The following RGS10 variants were observed in gnomAD, a reference collection of about 807,000 sequenced individuals.
RGS10 encodes regulator of G protein signaling 10, also known as regulator of G-protein signalling 10.
RGS10 carries 11 observed loss-of-function variants against 23.5 expected under a neutral mutation model. The observed-to-expected ratio is 0.47, with a 90% CI of 0.29 to 0.77. RGS10 has a LOEUF of 0.77. Ranked by LOEUF, RGS10 falls within the 30% of genes least tolerant of loss-of-function variation. The pLI is 0.08. For missense variants in RGS10, 180 were observed against 226.3 expected (o/e 0.80, Z 1.31); for synonymous variants, 77 against 83.2 (o/e 0.92, Z 0.41).
At chr10:119,535,577 C>T (rs1272059062) in intron 1 of RGS10, among the ~76,000 whole-genome samples, 1 of 152,232 alleles carries the variant, frequency 6.6e-6, no homozygotes, top group Non-Finnish European at 1.5e-5. Context: ...GAGATGAATG[C>T]TCACAGCATG....
intron 4 of RGS10, among the ~76,000 whole-genome samples, chr10:119,509,019 C>T (rs981152278): frequency 3.3e-5 from 5 of 152,090 alleles, no homozygotes; most frequent in Admixed American, 6.6e-5. Flanking sequence ...GAGGATGGAT[C>T]GAGCCTGGGA....
intron 4 of RGS10, among the ~76,000 whole-genome samples, chr10:119,508,220 G>A (rs1304438713): frequency 1.3e-5 from 2 of 152,004 alleles, no homozygotes; most frequent in Non-Finnish European, 2.9e-5. Flanking sequence ...GGCTAGTCTC[G>A]AACTCCTGAA....
At position 119,527,190 on chromosome 10, in the gene RGS10, T is replaced by C. The variant is rs1844284812; in HGVS notation, c.168+116A>G. The stretch of plus-strand genomic sequence containing the variant: ...GATAGACAGTACTGAACTCTCAAGC[T>C]GGCATAGAGAGTGCTACGCTGACAG... On this transcript the variant is annotated intron_variant, in intron 2 of 4. Coordinates refer to ENST00000369103, the MANE Select transcript of RGS10 (RefSeq NM_001005339.2). The surrounding 1 kb of genome is among the most constrained non-coding windows in gnomAD (Gnocchi z 4.2). 1.5e-6 allele frequency: 1 copy of C among 683,264 alleles called. No homozygotes were observed. The highest frequency in any genetic ancestry group is 2.7e-5 in the East Asian group (1 of 36,688). The allele number at this position is 683,264 out of a possible 1,614,324, so 42.3% of individuals were successfully genotyped here. A position where few individuals can be genotyped will look rare whatever the true frequency, so the allele number is the denominator to read the frequency against.
chr10:119,523,413 C>T (rs141996209), intron 3 of RGS10, among the ~76,000 whole-genome samples: 262 of 152,256 alleles, frequency 1.7e-3, no homozygotes, highest in African/African-American at 5.9e-3. Context: ...ACCTGTAATC[C>T]CAGCACTTTG....
chr10:119,503,803 ACCT>A (rs1252407532), intron 4 of RGS10, among the ~76,000 whole-genome samples: 4 of 151,898 alleles, frequency 2.6e-5, no homozygotes, highest in Non-Finnish European at 5.9e-5. Context: ...GTGTGTCCTT[ACCT>A]CCTCTTCTCA....
intron 3 of RGS10, 55 bp from the exon 4 acceptor site, chr10:119,515,707 G>A: frequency 6.2e-7 from 1 of 1,603,026 alleles, no homozygotes. Context: ...TTCCCGGCCT[G>A]AGCCCTGCTC....
At chr10:119,503,991 G>A (rs753842873) in intron 4 of RGS10, among the ~76,000 whole-genome samples, 31 of 152,198 alleles carry the variant, frequency 2.0e-4, no homozygotes, top group African/African-American at 6.3e-4. Context: ...AGAGAAGGGC[G>A]GAAGGCCAGC....
At position 119,500,243 on chromosome 10, in the gene RGS10, T is replaced by C. The variant is rs759529682; in HGVS notation, c.416A>G (p.Lys139Arg). The change falls in exon 5 of 5, where the codon AAG (lysine) becomes AGG (arginine). Residue 139 changes from lysine to arginine, a missense_variant. Transcript: ENST00000369103. ...KLQDQIFNLMKYDSYSRFLKS... is the reference protein window; with the variant it reads ...KLQDQIFNLMRYDSYSRFLKS... The stretch of plus-strand genomic sequence containing the variant: ...TAAGAAGCGGCTGTAGCTGTCGTAC[T>C]TCATGAGATTAAAGATCTAAGGAGG... 14 of 1,611,926 alleles carry C rather than the reference T, an allele frequency of 8.7e-6. No homozygotes were observed. The highest frequency in any genetic ancestry group is 2.7e-5 in the African/African-American group (2 of 74,734).
intron 3 of RGS10, among the ~76,000 whole-genome samples, chr10:119,523,838 C>T (rs1178812069): frequency 2.0e-5 from 3 of 152,144 alleles, no homozygotes; most frequent in Non-Finnish European, 4.4e-5. Context: ...CTCCTTCCAA[C>T]CACTCCATTA....
At chr10:119,515,701 C>T (rs370886559) in intron 3 of RGS10, 49 bp from the exon 4 acceptor site, 178 of 1,605,788 alleles carry the variant, frequency 1.1e-4, no homozygotes, top group East Asian at 1.3e-4. Flanking sequence ...ACAGCCTTCC[C>T]GGCCTGAGCC....
intron 3 of RGS10, among the ~76,000 whole-genome samples, chr10:119,519,083 C>T (rs1844179515): frequency 6.6e-6 from 1 of 152,176 alleles, no homozygotes; most frequent in Admixed American, 6.5e-5. Flanking sequence ...ATTCCTCACG[C>T]TACACACAGG....
At chr10:119,520,143 C>T (rs1018856305) in intron 3 of RGS10, among the ~76,000 whole-genome samples, 1 of 152,194 alleles carries the variant, frequency 6.6e-6, no homozygotes. Context: ...GAGACAATTC[C>T]TAGGACAATG....
intron 1 of RGS10, among the ~76,000 whole-genome samples, chr10:119,537,547 G>C (rs1378963636): frequency 6.6e-6 from 1 of 152,202 alleles, no homozygotes; most frequent in African/African-American, 2.4e-5. Flanking sequence ...AAAGAAGCAA[G>C]CAAGGAAGTG....
intron 4 of RGS10, among the ~76,000 whole-genome samples, chr10:119,508,952 T>G (rs569418535): frequency 6.6e-6 from 1 of 151,242 alleles, no homozygotes; most frequent in Non-Finnish European, 1.5e-5. Context: ...ATTTTAAAAA[T>G]TAGCCAAGTG....
intron 3 of RGS10, among the ~76,000 whole-genome samples, chr10:119,518,903 A>G (rs1183937129): frequency 2.0e-5 from 3 of 152,070 alleles, no homozygotes; most frequent in African/African-American, 7.2e-5. Flanking sequence ...ACGGGGTTTC[A>G]CCATGTTGGC....
chr10:119,507,386 G>A (rs1844026433), intron 4 of RGS10, among the ~76,000 whole-genome samples: 1 of 152,034 alleles, frequency 6.6e-6, no homozygotes, highest in Non-Finnish European at 1.5e-5. Context: ...CCACAGGCCG[G>A]ACAGCCCCTC....
rs1434466554 is a variant in RGS10, at chr10:119,524,922, G to A, written c.255+1110C>T. Among the ~76,000 whole-genome samples the A allele has an allele frequency of 6.6e-6, 1 of 152,140 alleles. No homozygotes were observed. The highest frequency in any genetic ancestry group is 1.5e-5 in the Non-Finnish European group (1 of 68,048). ...CGGAAAGGCCTTTGAATAAACCCAT[G>A]ATATACATTTTCCAAGCAGTTGTCT... On this transcript the variant is annotated intron_variant, in intron 3 of 4. Coordinates refer to ENST00000369103, the MANE Select transcript of RGS10 (RefSeq NM_001005339.2). The surrounding 1 kb of genome is among the most constrained non-coding windows in gnomAD (Gnocchi z 5.2).
At chr10:119,508,245 C>A (rs1478817918) in intron 4 of RGS10, among the ~76,000 whole-genome samples, 2 of 152,158 alleles carry the variant, frequency 1.3e-5, no homozygotes, top group African/African-American at 4.8e-5. Flanking sequence ...GCTAATCCAC[C>A]CGCCTCGGCC....
intron 4 of RGS10, 150 bp downstream of exon 4, chr10:119,515,359 C>G: frequency 1.1e-6 from 1 of 897,338 alleles, no homozygotes; most frequent in Non-Finnish European, 1.7e-6. Context: ...CCCCACTCTC[C>G]CCAACCATGG....
Sources: allele counts gnomAD v4.1 joint callset (sites outside exome capture counted in the v4.1 genomes callset), GRCh38; gene constraint gnomAD v4.1.1; non-coding constraint Gnocchi (gnomAD v3.1); transcripts MANE v1.5; gene names NCBI Gene and HGNC (gene_info 2026-07-23, HGNC 2026-07-21).